The following SOS2 variants were observed in gnomAD, a reference collection of about 807,000 sequenced individuals.
SOS2 encodes the protein son of sevenless homolog 2.
In SOS2, 65 loss-of-function variants were observed where a neutral mutation model predicts 148.2. The ratio of observed to expected loss-of-function variants is 0.44; its 90% CI spans 0.36 to 0.54. SOS2 has a LOEUF of 0.54. Among genes scored for constraint, SOS2 ranks in the 20% least tolerant of loss-of-function variants. The pLI, the probability that SOS2 is intolerant of heterozygous loss-of-function variation, is 0.00. For synonymous variants in SOS2, 539 were observed against 537.1 expected (o/e 1.00, Z -0.05); for missense variants, 1,341 against 1,590.2 (o/e 0.84, Z 2.67).
chr14:50,227,916 A>G (rs1170162801), intron 1 of SOS2, among the ~76,000 whole-genome samples: 1 of 152,252 alleles, frequency 6.6e-6, no homozygotes, highest in Non-Finnish European at 1.5e-5. Context: ...AAACTGGAAA[A>G]TAAGCAAAAG....
At chr14:50,161,793 T>C (rs573915906) in intron 8 of SOS2, among the ~76,000 whole-genome samples, 184 bp from the exon 9 acceptor site, 21 of 64,784 alleles carry the variant, frequency 3.2e-4, no homozygotes, top group Non-Finnish European at 5.0e-4. Flanking sequence ...TTCTTTCTTT[T>C]TTTTTTTTTT....
At chr14:50,126,093 C>T (rs146070861) in intron 21 of SOS2, among the ~76,000 whole-genome samples, 73 of 152,208 alleles carry the variant, frequency 4.8e-4, no homozygotes, top group African/African-American at 1.7e-3. Flanking sequence ...ATCAGTTTCC[C>T]CCTCATTCTA....
Position 50,145,045 on chromosome 14 carries a change from CAT to C in SOS2, c.2667+123_2667+124del, listed in dbSNP as rs1884424673. On this transcript the variant is annotated intron_variant, in intron 16 of 22. Coordinates refer to ENST00000216373, the MANE Select transcript of SOS2 (RefSeq NM_006939.4). Reference sequence around the variant, plus strand: ...AACATATTTTCTAATATATTTATATCATATTTATGAAGCAAGGATGAATTTAC... The same window carrying C: ...AACATATTTTCTAATATATTTATATCATTTATGAAGCAAGGATGAATTTAC... 11 of 425,588 alleles carry C rather than the reference CAT, an allele frequency of 2.6e-5. No individual in the cohort carries two copies. In the East Asian group the frequency reaches 4.2e-4, roughly 16 times the overall value. 26.4% of individuals were successfully genotyped at this position (425,588 alleles called of 1,614,324 possible).
intron 3 of SOS2, among the ~76,000 whole-genome samples, chr14:50,200,318 T>C (rs184170702): frequency 1.3e-5 from 2 of 152,020 alleles, no homozygotes; most frequent in African/African-American, 2.4e-5. Flanking sequence ...TTAAAATCCA[T>C]ATACACCAAA....
At position 50,161,151 on chromosome 14, in the gene SOS2, G is replaced by C. The variant is rs968817064; in HGVS notation, c.1196+331C>G. On this transcript the variant is annotated intron_variant, in intron 9 of 22. Coordinates refer to ENST00000216373, the MANE Select transcript of SOS2 (RefSeq NM_006939.4). The stretch of plus-strand genomic sequence containing the variant: ...CTACTAAAAATACAAAAATTAGCTG[G>C]GCATGGTGGTGGGCTCCTGTAGTTC... 2.0e-5 allele frequency among the ~76,000 whole-genome samples: 3 copies of C among 152,010 alleles called. No individual in the cohort carries two copies. In the South Asian group the frequency reaches 6.2e-4, roughly 32 times the overall value.
chr14:50,149,234 T>C (rs1358851692), intron 14 of SOS2, among the ~76,000 whole-genome samples: 1 of 151,984 alleles, frequency 6.6e-6, no homozygotes, highest in Admixed American at 6.6e-5. Flanking sequence ...TCTATACTAC[T>C]CACAATAGCT....
chr14:50,220,250 A>C (rs940500077), intron 1 of SOS2, among the ~76,000 whole-genome samples: 1 of 150,560 alleles, frequency 6.6e-6, no homozygotes, highest in African/African-American at 2.4e-5. Context: ...AATACAAAAA[A>C]AAAAACTTAG....
At chr14:50,189,974 G>A (rs1000595549) in intron 4 of SOS2, among the ~76,000 whole-genome samples, 4 of 151,470 alleles carry the variant, frequency 2.6e-5, no homozygotes, top group African/African-American at 9.7e-5. Context: ...TCAGCCTCCT[G>A]AGTAGCTGGG....
At chr14:50,196,172 A>G (rs576737036) in intron 4 of SOS2, among the ~76,000 whole-genome samples, 1 of 152,230 alleles carries the variant, frequency 6.6e-6, no homozygotes, top group South Asian at 2.1e-4. Context: ...CAAAACCTCA[A>G]TTAGGAGGAA....
At chr14:50,184,344 T>A (rs1023370886) in intron 5 of SOS2, among the ~76,000 whole-genome samples, 1 of 152,156 alleles carries the variant, frequency 6.6e-6, no homozygotes. Flanking sequence ...CTCCACCACA[T>A]GTGGTATAAT....
intron 5 of SOS2, among the ~76,000 whole-genome samples, chr14:50,183,072 T>C (rs765655813): frequency 2.1e-4 from 32 of 152,220 alleles, no homozygotes; most frequent in Non-Finnish European, 4.1e-4. Flanking sequence ...TTTTTGCATT[T>C]TGCTCTTGGG....
At chr14:50,180,930 T>G (rs1345697101) in intron 6 of SOS2, among the ~76,000 whole-genome samples, 1 of 151,818 alleles carries the variant, frequency 6.6e-6, no homozygotes, top group Non-Finnish European at 1.5e-5. Context: ...TAATGGGATA[T>G]CTGCAGAACC....
At chr14:50,133,235 C>CTTTTTTTTT (rs1883951975) in intron 19 of SOS2, among the ~76,000 whole-genome samples, 2 of 122,640 alleles carry the variant, frequency 1.6e-5, no homozygotes, top group African/African-American at 6.0e-5. Context: ...AACTTTTTTT[C>CTTTTTTTTT]TTTTTTCTTT....
chr14:50,143,270 G>C (rs1266030365), intron 16 of SOS2, among the ~76,000 whole-genome samples: 2 of 150,996 alleles, frequency 1.3e-5, no homozygotes, highest in African/African-American at 4.9e-5. Context: ...GACTGCAGTG[G>C]GCTATGATCA....
intron 18 of SOS2, among the ~76,000 whole-genome samples, chr14:50,136,959 C>T (rs1200230546): frequency 6.6e-6 from 1 of 152,012 alleles, no homozygotes; most frequent in Non-Finnish European, 1.5e-5. Flanking sequence ...TGTTTTGAAC[C>T]GGGAACAAAG....
chr14:50,138,320 C>A (rs1884153060), intron 18 of SOS2, among the ~76,000 whole-genome samples: 1 of 151,952 alleles, frequency 6.6e-6, no homozygotes, highest in African/African-American at 2.4e-5. Context: ...CCATGCCCAG[C>A]TAATTTTTTT....
At chr14:50,227,168 ACAC>A (rs1342579351) in intron 1 of SOS2, among the ~76,000 whole-genome samples, 2 of 152,138 alleles carry the variant, frequency 1.3e-5, no homozygotes, top group Non-Finnish European at 2.9e-5. Flanking sequence ...AAGCTAAAGA[ACAC>A]CACATTTCTA....
intron 21 of SOS2, among the ~76,000 whole-genome samples, chr14:50,122,577 G>T (rs930213178): frequency 6.6e-6 from 1 of 151,996 alleles, no homozygotes; most frequent in African/African-American, 2.4e-5. Flanking sequence ...GGTGGTAACA[G>T]ACACGCACAC....
intron 8 of SOS2, among the ~76,000 whole-genome samples, chr14:50,164,072 G>A (rs1308972219): frequency 1.3e-5 from 2 of 152,132 alleles, no homozygotes; most frequent in African/African-American, 2.4e-5. Flanking sequence ...AGTGAGATTT[G>A]ATAAACATCA....
Sources: gnomAD v4.1 joint callset for allele counts (sites outside exome capture counted in the v4.1 genomes callset) on GRCh38, gnomAD v4.1.1 for gene constraint, MANE v1.5 for transcripts, NCBI Gene and HGNC (gene_info 2026-07-23, HGNC 2026-07-21) for gene names.